GALNTL6: variants seen among roughly 807,000 people sequenced by gnomAD.
GALNTL6 encodes polypeptide N-acetylgalactosaminyltransferase-like 6.
Under a neutral mutation model 73.7 loss-of-function variants are expected in GALNTL6, and 46 were observed. The observed-to-expected ratio is 0.62, with a 90% CI of 0.49 to 0.80. The LOEUF is 0.80. Among genes scored for constraint, GALNTL6 ranks in the 30% least tolerant of loss-of-function variants. GALNTL6 has a pLI of 0.00. For missense variants in GALNTL6, 604 were observed against 755.0 expected (o/e 0.80, Z 2.34); for synonymous variants, 259 against 263.7 (o/e 0.98, Z 0.17).
intron 2 of GALNTL6, among the ~76,000 whole-genome samples, chr4:171,969,439 A>C (rs1473089980): frequency 6.6e-6 from 1 of 152,178 alleles, no homozygotes; most frequent in Non-Finnish European, 1.5e-5. Context: ...TATATGAATT[A>C]ATTGCTTAGT....
In GALNTL6 at chr4:172,311,757, G is replaced by A; in HGVS notation, c.386+5G>A. 6.3e-7 allele frequency: 1 copy of A among 1,575,936 alleles called. No individual in the cohort carries two copies. Among genetic ancestry groups the A allele is most frequent in the Non-Finnish European group, 8.6e-7 (1 of 1,158,362 alleles). On this transcript the variant is annotated splice_donor_5th_base_variant and intron_variant, in intron 4 of 12. Coordinates refer to ENST00000506823, the MANE Select transcript of GALNTL6 (RefSeq NM_001034845.3). ...GCCAGATATTCGTCATGCTAAGTGA[G>A]TATCAGCATATCAGTGATCAGGGTG...
chr4:171,963,432 G>A (rs1487699095), intron 2 of GALNTL6, among the ~76,000 whole-genome samples: 4 of 151,524 alleles, frequency 2.6e-5, no homozygotes, highest in Admixed American at 2.0e-4. Flanking sequence ...TTAAAGAGTG[G>A]AATTTGCTTA....
At chr4:172,479,547 T>C (rs1015995020) in intron 5 of GALNTL6, among the ~76,000 whole-genome samples, 1 of 152,024 alleles carries the variant, frequency 6.6e-6, no homozygotes, top group African/African-American at 2.4e-5. Context: ...CATTGCAGAC[T>C]CAGAAAGAGA....
chr4:172,537,598 G>T (rs116122574), intron 5 of GALNTL6, among the ~76,000 whole-genome samples: 2 of 152,106 alleles, frequency 1.3e-5, no homozygotes, highest in Non-Finnish European at 1.5e-5. Context: ...TGTCCTTATA[G>T]CAGCATGAGA....
intron 5 of GALNTL6, among the ~76,000 whole-genome samples, chr4:172,787,964 T>C (rs1019753928): frequency 2.0e-5 from 3 of 152,198 alleles, no homozygotes; most frequent in African/African-American, 7.2e-5. Flanking sequence ...TAATATTTTG[T>C]TATTAGAAAC....
rs1010577872 is a variant in GALNTL6 at position 172,529,640 on chromosome 4, C to A, written c.553+180951C>A. 5.9e-5 allele frequency among the ~76,000 whole-genome samples: 9 copies of A among 151,820 alleles called. No homozygotes were observed. In the East Asian group the frequency reaches 1.4e-3, roughly 23 times the overall value. On this transcript the variant is annotated intron_variant, in intron 5 of 12. Transcript: ENST00000506823. ...GTATTATATCTGCAGGAAGATGTAG[C>A]ATAAATGCAAAGTTGGAGTACCTAA...
chr4:171,861,116 G>T (rs1313100769), intron 2 of GALNTL6, among the ~76,000 whole-genome samples: 1 of 152,096 alleles, frequency 6.6e-6, no homozygotes, highest in Admixed American at 6.5e-5. Flanking sequence ...AATTAAAACT[G>T]CAGTCTAAGC....
At chr4:172,410,564 G>A (rs1483795593) in intron 5 of GALNTL6, among the ~76,000 whole-genome samples, 1 of 152,010 alleles carries the variant, frequency 6.6e-6, no homozygotes, top group African/African-American at 2.4e-5. Context: ...CTGCCTTAAT[G>A]TCTGGGTGAG....
intron 5 of GALNTL6, among the ~76,000 whole-genome samples, chr4:172,660,291 A>G (rs1731297607): frequency 6.6e-6 from 1 of 152,226 alleles, no homozygotes; most frequent in Non-Finnish European, 1.5e-5. Flanking sequence ...AGCATACTCT[A>G]GATTTAATGC....
chr4:172,149,184 T>C (rs926922121), intron 2 of GALNTL6, among the ~76,000 whole-genome samples: 2 of 152,222 alleles, frequency 1.3e-5, no homozygotes, highest in African/African-American at 4.8e-5. Flanking sequence ...GAAAAATACA[T>C]ACACACATAT....
intron 8 of GALNTL6, among the ~76,000 whole-genome samples, chr4:172,894,252 G>T (rs1746204038): frequency 2.0e-5 from 3 of 151,930 alleles, no homozygotes; most frequent in Non-Finnish European, 4.4e-5. Context: ...GGATTGGTTT[G>T]TTCTTGCTTT....
At position 171,853,012 on chromosome 4, in the gene GALNTL6, A is replaced by ATTTTTTTTTTTTTT. The variant is rs765984611; in HGVS notation, c.138+38305_138+38318dup. Among the ~76,000 whole-genome samples, 310 of 86,806 alleles carry ATTTTTTTTTTTTTT rather than the reference A, an allele frequency of 3.6e-3. 1 individual carries two copies. Among genetic ancestry groups the ATTTTTTTTTTTTTT allele is most frequent in the Middle Eastern group, 9.6e-3 (1 of 104 alleles). The allele number at this position is 86,806 out of a possible 152,430, so 56.9% of individuals were successfully genotyped here. A position where few individuals can be genotyped will look rare whatever the true frequency, so the allele number is the denominator to read the frequency against. Reference sequence around the variant, plus strand: ...CAGGCGCCGCCACCACGCCCGGCTAATTTTTTTTTTTTTTTTTTTTTTTTG... The same window carrying ATTTTTTTTTTTTTT: ...CAGGCGCCGCCACCACGCCCGGCTAATTTTTTTTTTTTTTTTTTTTTTTTTTTTTTTTTTTTTTG... On this transcript the variant is annotated intron_variant, in intron 2 of 12. Coordinates refer to ENST00000506823, the MANE Select transcript of GALNTL6 (RefSeq NM_001034845.3).
chr4:172,457,869 C>T (rs1389784960), intron 5 of GALNTL6, among the ~76,000 whole-genome samples: 1 of 152,184 alleles, frequency 6.6e-6, no homozygotes, highest in Non-Finnish European at 1.5e-5. Context: ...ATCTAACAGA[C>T]ATCTACAGAA....
chr4:172,026,683 A>G (rs1205551013), intron 2 of GALNTL6, among the ~76,000 whole-genome samples: 1 of 152,120 alleles, frequency 6.6e-6, no homozygotes, highest in Non-Finnish European at 1.5e-5. Flanking sequence ...ATGGTTTTGT[A>G]TATATACACA....
chr4:172,101,889 A>G (rs2110961737), intron 2 of GALNTL6, among the ~76,000 whole-genome samples: 1 of 152,244 alleles, frequency 6.6e-6, no homozygotes, highest in Admixed American at 6.5e-5. Context: ...AAGACACAAA[A>G]AATCAAAACC....
intron 10 of GALNTL6, among the ~76,000 whole-genome samples, chr4:172,957,937 G>C (rs1346576124): frequency 2.0e-5 from 3 of 152,154 alleles, no homozygotes; most frequent in African/African-American, 7.2e-5. Context: ...TCAGGGTGAG[G>C]AACATGAAAG....
In GALNTL6 at chr4:172,593,684, G is replaced by A. The variant is rs1028966298; in HGVS notation, c.554-215677G>A. The stretch of plus-strand genomic sequence containing the variant: ...TTGTTTTTTTTTTTTCACCACACTT[G>A]GAATAGATGCTTTTTTGTTGTGGTG... On this transcript the variant is annotated intron_variant, in intron 5 of 12. Coordinates refer to ENST00000506823, the MANE Select transcript of GALNTL6 (RefSeq NM_001034845.3). Among the ~76,000 whole-genome samples, 8 of 150,848 alleles carry A rather than the reference G, an allele frequency of 5.3e-5. No homozygotes were observed. In the South Asian group the frequency reaches 6.3e-4, roughly 12 times the overall value.
chr4:172,018,576 G>T (rs1220336922), intron 2 of GALNTL6, among the ~76,000 whole-genome samples: 4 of 152,000 alleles, frequency 2.6e-5, no homozygotes, highest in Admixed American at 1.3e-4. Context: ...TAACAGCTCC[G>T]AGTTTAGATC....
At chr4:172,359,559 A>G (rs1742291472) in intron 5 of GALNTL6, among the ~76,000 whole-genome samples, 1 of 152,168 alleles carries the variant, frequency 6.6e-6, no homozygotes, top group South Asian at 2.1e-4. Context: ...AGTAAGTACT[A>G]TGAATCAGAC....
Sources: allele counts gnomAD v4.1 joint callset (sites outside exome capture counted in the v4.1 genomes callset), GRCh38; gene constraint gnomAD v4.1.1; transcripts MANE v1.5; gene names NCBI Gene and HGNC (gene_info 2026-07-23, HGNC 2026-07-21).